Variants in EMSY observed in about 807,000 individuals in gnomAD.
EMSY encodes the protein BRCA2-interacting transcriptional repressor EMSY.
In EMSY, 26 loss-of-function variants were observed where a neutral mutation model predicts 134.6. The observed-to-expected ratio is 0.19, with a 90% CI of 0.14 to 0.27. The LOEUF is 0.27. EMSY is among the 10% of genes least tolerant of loss of function. EMSY has a pLI of 1.00. For missense variants in EMSY, 1,305 were observed against 1,611.4 expected (o/e 0.81, Z 3.26); for synonymous variants, 579 against 577.8 (o/e 1.00, Z -0.03).
At chr11:76,452,213 T>C (rs905711896) in intron 3 of EMSY, among the ~76,000 whole-genome samples, 1 of 152,198 alleles carries the variant, frequency 6.6e-6, no homozygotes, top group African/African-American at 2.4e-5. Context: ...TTGAAGGCAG[T>C]TTATCTTACT....
intron 1 of EMSY, 42 bp downstream of exon 1, chr11:76,445,170 C>A (rs1286410528): frequency 6.5e-6 from 1 of 152,824 alleles, no homozygotes. Flanking sequence ...AGCTGGCAGG[C>A]CAGCCAGGCT....
intron 8 of EMSY, among the ~76,000 whole-genome samples, chr11:76,489,628 G>A (rs1437091539): frequency 3.7e-5 from 5 of 134,096 alleles, no homozygotes; most frequent in African/African-American, 1.4e-4. Context: ...TTTTTGAGAT[G>A]GAGTCTTGCT....
At chr11:76,469,425 A>G (rs1174120114) in intron 7 of EMSY, among the ~76,000 whole-genome samples, 2 of 152,206 alleles carry the variant, frequency 1.3e-5, no homozygotes, top group Non-Finnish European at 2.9e-5. Context: ...GCAGCTGTGA[A>G]TTCTTTGGAT....
rs535908602 is a variant in EMSY, at chr11:76,523,351, A to G, written c.1821+60A>G. On this transcript the variant is annotated intron_variant, in intron 12 of 20. Coordinates refer to ENST00000334736, the Ensembl canonical transcript of EMSY. ...CACAGAGGATTTAAAGACCAGCTAT[A>G]TAAATATTTGCACAAGGACTTGAGA... 2.6e-6 allele frequency: 4 copies of G among 1,550,628 alleles called. No homozygotes were observed. In the South Asian group the frequency reaches 3.7e-5, roughly 14 times the overall value.
At chr11:76,464,786 A>G (rs1948284144) in intron 7 of EMSY, among the ~76,000 whole-genome samples, 1 of 152,114 alleles carries the variant, frequency 6.6e-6, no homozygotes, top group Non-Finnish European at 1.5e-5. Context: ...ATGGAAAGTA[A>G]ATTTTTGGGG....
At position 76,513,299 on chromosome 11, in the gene EMSY, G is replaced by A. The variant is rs1950340581; in HGVS notation, c.1364-87G>A. ...TCTCTTTAGACAAGACTGAGTAAATGTGTGTGACTACTGCCCTCTTGGGTT... is the reference window on the plus strand; with the variant it reads ...TCTCTTTAGACAAGACTGAGTAAATATGTGTGACTACTGCCCTCTTGGGTT... On this transcript the variant is annotated intron_variant, in intron 9 of 20. Transcript: ENST00000334736. The A allele has an allele frequency of 3.9e-6, 5 of 1,281,154 alleles. No homozygotes were observed. The South Asian group carries it at 5.1e-5, about 13-fold the overall frequency. The allele number at this position is 1,281,154 out of a possible 1,614,324, so 79.4% of individuals were successfully genotyped here.
At chr11:76,458,413 A>G in intron 5 of EMSY, 55 bp downstream of exon 6, 1 of 1,458,348 alleles carries the variant, frequency 6.9e-7, no homozygotes, top group Non-Finnish European at 9.2e-7. Flanking sequence ...ATCTTCAAGA[A>G]AATTTCAAGA....
At chr11:76,521,495 G>T (rs1036131210) in intron 11 of EMSY, among the ~76,000 whole-genome samples, 1 of 152,182 alleles carries the variant, frequency 6.6e-6, no homozygotes, top group Non-Finnish European at 1.5e-5. Flanking sequence ...AAGCCTGGTG[G>T]CTCATGCCTG....
chr11:76,543,438 G>A (rs1951520481), intron 18 of EMSY, among the ~76,000 whole-genome samples: 1 of 152,196 alleles, frequency 6.6e-6, no homozygotes, highest in Admixed American at 6.5e-5. Context: ...CCAACTGGCT[G>A]GAGGTTTTGT....
chr11:76,480,013 A>C (rs1221679985), intron 8 of EMSY, among the ~76,000 whole-genome samples: 1 of 152,244 alleles, frequency 6.6e-6, no homozygotes, highest in African/African-American at 2.4e-5. Flanking sequence ...ACGACATTAC[A>C]GTTTTAAAAA....
intron 8 of EMSY, among the ~76,000 whole-genome samples, chr11:76,495,213 C>T (rs1031609735): frequency 6.6e-6 from 1 of 152,140 alleles, no homozygotes; most frequent in African/African-American, 2.4e-5. Flanking sequence ...TACATAAGAA[C>T]GTGATATTAT....
At chr11:76,545,820 A>G (rs1951625383) in exon 20 of EMSY, 1 of 1,611,324 alleles carries the variant, frequency 6.2e-7, no homozygotes, top group African/African-American at 1.3e-5. Context: ...TTATAACCCA[A>G]GGATCCTCTG....
At chr11:76,499,139 T>G (rs1949758780) in intron 9 of EMSY, among the ~76,000 whole-genome samples, 1 of 152,044 alleles carries the variant, frequency 6.6e-6, no homozygotes, top group African/African-American at 2.4e-5. Context: ...CTTTTGTATT[T>G]TTAGTAGAGA....
At position 76,546,335 on chromosome 11, in the gene EMSY, T is replaced by A. The variant is rs576633254; in HGVS notation, c.3774+38T>A. The A allele has an allele frequency of 1.9e-6, 3 of 1,571,196 alleles. No homozygotes were observed. The South Asian group carries it at 3.6e-5, about 19-fold the overall frequency. ...AGGAAAATGAGAAATCTTGTGCATC[T>A]TGGGGGTTGTGGGTTTGTTTGATAT... On this transcript the variant is annotated intron_variant, in intron 20 of 20. Transcript: ENST00000334736.
exon 15 of EMSY, chr11:76,535,951 G>A: frequency 6.2e-7 from 1 of 1,601,734 alleles, no homozygotes; most frequent in Non-Finnish European, 8.5e-7. Context: ...GTCAGAACAT[G>A]AGATTGCAAT....
At chr11:76,518,801 C>A (rs1343550040) in intron 11 of EMSY, among the ~76,000 whole-genome samples, 1 of 147,586 alleles carries the variant, frequency 6.8e-6, no homozygotes, top group East Asian at 2.0e-4. Context: ...TGACATGCCC[C>A]CCTCATATTT....
At chr11:76,460,017 C>T in exon 6 of EMSY, 1 of 1,614,214 alleles carries the variant, frequency 6.2e-7, no homozygotes, top group Non-Finnish European at 8.5e-7. Flanking sequence ...ACGGTTAAGT[C>T]TCCAAGACCT....
chr11:76,458,121 A>G (rs1232781539), intron 4 of EMSY, 62 bp from the exon 6 acceptor site: 20 of 1,459,146 alleles, frequency 1.4e-5, no homozygotes, highest in African/African-American at 4.3e-5. Flanking sequence ...GTTTGAGCAT[A>G]TATGTTTGAT....
At chr11:76,496,105 C>T in intron 8 of EMSY, 110 bp from the exon 10 acceptor site, 2 of 1,222,898 alleles carry the variant, frequency 1.6e-6, no homozygotes, top group Non-Finnish European at 2.3e-6. Flanking sequence ...ATAAATTGTA[C>T]TTTTTGTTGA....
Sources: gnomAD v4.1 joint callset for allele counts (sites outside exome capture counted in the v4.1 genomes callset) on GRCh38, gnomAD v4.1.1 for gene constraint, MANE v1.5 for transcripts, NCBI Gene and HGNC (gene_info 2026-07-23, HGNC 2026-07-21) for gene names.